PCBP3: variants seen among roughly 807,000 people sequenced by gnomAD.
PCBP3 encodes poly(rC)-binding protein 3.
In PCBP3, 25 loss-of-function variants were observed where a neutral mutation model predicts 52.7. That is an observed-to-expected ratio of 0.47 (90% CI 0.35 to 0.66). PCBP3 has a LOEUF of 0.66. Among genes scored for constraint, PCBP3 ranks in the 30% least tolerant of loss-of-function variants. PCBP3 has a pLI of 0.01. For synonymous variants in PCBP3, 162 were observed against 183.0 expected (o/e 0.89, Z 0.93); for missense variants, 391 against 490.3 (o/e 0.80, Z 1.91).
At chr21:45,770,184 A>C (rs1040892044) in intron 4 of PCBP3, among the ~76,000 whole-genome samples, 67 of 152,224 alleles carry the variant, frequency 4.4e-4, no homozygotes, top group African/African-American at 1.6e-3. Flanking sequence ...CTCTCCCCTG[A>C]AGTCAAATTA....
intron 1 of PCBP3, among the ~76,000 whole-genome samples, chr21:45,644,165 C>G: frequency 6.6e-6 from 1 of 151,496 alleles, no homozygotes; most frequent in East Asian, 1.9e-4. Flanking sequence ...GAGAACGTCT[C>G]GGATGTGGGT....
At chr21:45,648,865 T>G (rs950939435) in intron 1 of PCBP3, among the ~76,000 whole-genome samples, 2 of 152,222 alleles carry the variant, frequency 1.3e-5, no homozygotes, top group Non-Finnish European at 2.9e-5. Flanking sequence ...AGAAGTTCTT[T>G]ACATATTCTG....
chr21:45,648,708 A>G (rs1002910103), intron 1 of PCBP3, among the ~76,000 whole-genome samples: 1 of 152,346 alleles, frequency 6.6e-6, no homozygotes, highest in South Asian at 2.1e-4. Flanking sequence ...TAGATATTAA[A>G]TATCTTACTG....
chr21:45,786,800 A>T (rs2091196877), intron 4 of PCBP3, among the ~76,000 whole-genome samples: 1 of 152,236 alleles, frequency 6.6e-6, no homozygotes, highest in South Asian at 2.1e-4. Flanking sequence ...TTCTGGCACC[A>T]TGACTGCTCC....
chr21:45,700,438 G>A (rs1259074742), intron 2 of PCBP3, among the ~76,000 whole-genome samples: 2 of 152,118 alleles, frequency 1.3e-5, no homozygotes, highest in Non-Finnish European at 1.5e-5. Flanking sequence ...TCCACAAGGA[G>A]CCCTGGAAGC....
intron 2 of PCBP3, among the ~76,000 whole-genome samples, chr21:45,717,760 A>C (rs1051483595): frequency 1.3e-5 from 2 of 152,148 alleles, no homozygotes; most frequent in African/African-American, 4.8e-5. Context: ...GATGTTTTAC[A>C]TGTGTATTCA....
chr21:45,885,685 TC>T (rs2148844817), intron 5 of PCBP3, among the ~76,000 whole-genome samples: 1 of 152,318 alleles, frequency 6.6e-6, no homozygotes, highest in Admixed American at 6.5e-5. Flanking sequence ...TCTTTCTAGT[TC>T]TGTCGTTCCC....
chr21:45,930,662 G>A, intron 14 of PCBP3, 124 bp from the exon 15 acceptor site: 1 of 580,848 alleles, frequency 1.7e-6, no homozygotes, highest in Admixed American at 2.8e-5. Flanking sequence ...TGCCATGCCT[G>A]TGGCTGTGGC....
At chr21:45,647,304 C>T (rs1433479258) in intron 1 of PCBP3, among the ~76,000 whole-genome samples, 2 of 152,176 alleles carry the variant, frequency 1.3e-5, no homozygotes, top group African/African-American at 4.8e-5. Flanking sequence ...TCCCTGATTC[C>T]CTACTGTTTG....
intron 1 of PCBP3, among the ~76,000 whole-genome samples, chr21:45,646,053 T>TTTTCTC (rs1487044677): frequency 2.0e-4 from 14 of 71,536 alleles, no homozygotes; most frequent in African/African-American, 6.1e-4. Context: ...TGTCACCTGT[T>TTTTCTC]TCTCTCTCTC....
At chr21:45,806,166 T>TGCAGAATC (rs1169747486) in intron 4 of PCBP3, among the ~76,000 whole-genome samples, 21 of 152,256 alleles carry the variant, frequency 1.4e-4, no homozygotes, top group African/African-American at 4.8e-4. Flanking sequence ...GCCACCCGGC[T>TGCAGAATC]GCAGAATCGC....
At chr21:45,645,120 C>G (rs1032155353) in intron 1 of PCBP3, among the ~76,000 whole-genome samples, 3 of 152,206 alleles carry the variant, frequency 2.0e-5, no homozygotes, top group African/African-American at 4.8e-5. Flanking sequence ...TTGATCATCA[C>G]ACGACAGAAG....
chr21:45,755,834 A>G (rs929792428), intron 4 of PCBP3, among the ~76,000 whole-genome samples: 3 of 152,146 alleles, frequency 2.0e-5, no homozygotes, highest in Non-Finnish European at 4.4e-5. Context: ...AATACCAGTC[A>G]TTTATCAGAT....
chr21:45,875,075 C>T (rs1438117206), intron 5 of PCBP3, among the ~76,000 whole-genome samples: 1 of 152,268 alleles, frequency 6.6e-6, no homozygotes, highest in African/African-American at 2.4e-5. Flanking sequence ...AGCGCGGTCG[C>T]CCCTGACGCG....
At chr21:45,840,019 A>G (rs1057341833) in intron 4 of PCBP3, among the ~76,000 whole-genome samples, 2 of 152,212 alleles carry the variant, frequency 1.3e-5, no homozygotes, top group Non-Finnish European at 2.9e-5. Context: ...AAGTTTAAAA[A>G]TAAAAGTATA....
At chr21:45,738,589 CT>C (rs2145930743) in intron 3 of PCBP3, among the ~76,000 whole-genome samples, 1 of 152,322 alleles carries the variant, frequency 6.6e-6, no homozygotes, top group South Asian at 2.1e-4. Context: ...AACAATTTTC[CT>C]TATAGAACTG....
In PCBP3 at chr21:45,737,885, T is replaced by C. The variant is rs1181770711; in HGVS notation, c.-162+2456T>C. ...ATGATGAAGCAGAGCGGAGCTCATC[T>C]GAGTGGATGTTTCCCAGGGGAGCCA... On this transcript the variant is annotated intron_variant, in intron 3 of 17. Coordinates refer to ENST00000681687, the MANE Select transcript of PCBP3 (RefSeq NM_001384156.1). This position sits in a 1 kb window ranked among gnomAD's most constrained non-coding sequence, Gnocchi z 4.9. Among the ~76,000 whole-genome samples the C allele has an allele frequency of 6.6e-6, 1 of 152,256 alleles. No individual in the cohort carries two copies. The highest frequency in any genetic ancestry group is 1.5e-5 in the Non-Finnish European group (1 of 68,040).
rs1371951069 is a variant in PCBP3, at chr21:45,837,190, A to G, written c.-125-12771A>G. On this transcript the variant is annotated intron_variant, in intron 4 of 17. Transcript: ENST00000681687. The surrounding 1 kb of genome is among the most constrained non-coding windows in gnomAD (Gnocchi z 4.1). ...GCCACGGATGATCTACAGTCCACCA[A>G]CATTCTGAATGTTTGCCAATGCAGT... 2.0e-5 allele frequency among the ~76,000 whole-genome samples: 3 copies of G among 152,176 alleles called. No individual in the cohort carries two copies. Among genetic ancestry groups the G allele is most frequent in the Non-Finnish European group, 2.9e-5 (2 of 68,008 alleles).
At chr21:45,823,783 C>G (rs1349596644) in intron 4 of PCBP3, among the ~76,000 whole-genome samples, 2 of 151,836 alleles carry the variant, frequency 1.3e-5, no homozygotes, top group Non-Finnish European at 2.9e-5. Flanking sequence ...TTTCTGTCGC[C>G]CAGTTTGGAG....
Sources: gnomAD v4.1 joint callset for allele counts (sites outside exome capture counted in the v4.1 genomes callset) on GRCh38, gnomAD v4.1.1 for gene constraint, Gnocchi (gnomAD v3.1) non-coding constraint, MANE v1.5 for transcripts, NCBI Gene and HGNC (gene_info 2026-07-23, HGNC 2026-07-21) for gene names.